MELK: variants seen among roughly 807,000 people sequenced by gnomAD.
The protein encoded by MELK is pEg3 kinase.
In MELK, 81 loss-of-function variants were observed where a neutral mutation model predicts 85.0. That is an observed-to-expected ratio of 0.95 (90% CI 0.80 to 1.15). The LOEUF (loss-of-function observed/expected upper bound fraction) is 1.15, where lower values mean the gene tolerates loss of function less well. MELK is among the 50% of genes most tolerant of loss of function. MELK has a pLI of 0.00. For missense variants in MELK, 754 were observed against 777.5 expected (o/e 0.97, Z 0.36); for synonymous variants, 252 against 265.0 (o/e 0.95, Z 0.48).
rs1364726683 is a variant in MELK at position 36,671,152 on chromosome 9, C to T, written c.1660C>T (p.Pro554Ser). 6.3e-7 allele frequency: 1 copy of T among 1,598,910 alleles called. No individual in the cohort carries two copies. The highest frequency in any genetic ancestry group is 8.5e-7 in the Non-Finnish European group (1 of 1,173,048). ...AAGGAAGGGTTCTGCCAGAGACGGGCCCAGAAGACTAAAGGTAAGCAGGCT... is the reference window on the plus strand; with the variant it reads ...AAGGAAGGGTTCTGCCAGAGACGGGTCCAGAAGACTAAAGGTAAGCAGGCT... ...SKRKGSARDG[P>S]RRLKLHYNVT... is the part of the protein sequence containing the mutation. The change falls in exon 16 of 18, where the codon CCC becomes TCC. Residue 554 changes from proline to serine, a missense_variant. Coordinates refer to ENST00000298048, the MANE Select transcript of MELK (RefSeq NM_014791.4).
chr9:36,604,721 G>C (rs979893856), intron 7 of MELK, among the ~76,000 whole-genome samples: 31 of 151,060 alleles, frequency 2.1e-4, no homozygotes, highest in Non-Finnish European at 3.7e-4. Context: ...TTGGCTCACT[G>C]CAACCTCCAC....
intron 10 of MELK, among the ~76,000 whole-genome samples, chr9:36,633,815 GTCTGTT>G (rs1354797640): frequency 2.6e-5 from 4 of 152,168 alleles, no homozygotes; most frequent in African/African-American, 9.7e-5. Context: ...TCTGTGTTCA[GTCTGTT>G]TTGATAGGTT....
chr9:36,585,386 G>A (rs534217781), intron 3 of MELK, among the ~76,000 whole-genome samples: 4 of 142,950 alleles, frequency 2.8e-5, no homozygotes, highest in Admixed American at 1.5e-4. Flanking sequence ...GGCTCACTGC[G>A]ACCTCTGCCT....
At chr9:36,636,437 G>A (rs1191258841) in intron 10 of MELK, among the ~76,000 whole-genome samples, 5 of 152,116 alleles carry the variant, frequency 3.3e-5, no homozygotes, top group South Asian at 2.1e-4. Context: ...GGGAGGCGGA[G>A]GTTGCAGTGA....
intron 2 of MELK, among the ~76,000 whole-genome samples, chr9:36,583,294 G>T (rs1422739233): frequency 6.6e-6 from 1 of 152,038 alleles, no homozygotes; most frequent in Non-Finnish European, 1.5e-5. Context: ...AAACTGAGTG[G>T]AAGTTTCATA....
chr9:36,651,410 A>G (rs1830685262), intron 11 of MELK, among the ~76,000 whole-genome samples: 1 of 152,252 alleles, frequency 6.6e-6, no homozygotes, highest in Non-Finnish European at 1.5e-5. Context: ...AGGGAGTTGC[A>G]GTAGAGTTAA....
intron 12 of MELK, among the ~76,000 whole-genome samples, chr9:36,655,184 C>CAT (rs970097634): frequency 6.6e-5 from 10 of 152,092 alleles, no homozygotes; most frequent in Non-Finnish European, 1.5e-5. Flanking sequence ...AGAGTCAAGA[C>CAT]ATATATATAC....
At chr9:36,608,537 T>C (rs1825783642) in intron 8 of MELK, among the ~76,000 whole-genome samples, 1 of 151,972 alleles carries the variant, frequency 6.6e-6, no homozygotes, top group Non-Finnish European at 1.5e-5. Context: ...ACTACAGCAT[T>C]CAGTTTTTGA....
At chr9:36,658,800 C>G (rs1831505347) in intron 13 of MELK, among the ~76,000 whole-genome samples, 1 of 151,950 alleles carries the variant, frequency 6.6e-6, no homozygotes, top group African/African-American at 2.4e-5. Flanking sequence ...CTCCCGGGTT[C>G]AAGCAATTCT....
At chr9:36,615,647 C>T (rs1452709710) in intron 8 of MELK, among the ~76,000 whole-genome samples, 6 of 133,662 alleles carry the variant, frequency 4.5e-5, no homozygotes, top group African/African-American at 9.8e-5. Flanking sequence ...ACGGGGCGGC[C>T]GGGCAGAGAC....
Position 36,611,718 on chromosome 9 carries a change from G to A in MELK, c.666+4045G>A, listed in dbSNP as rs11789564. The stretch of plus-strand genomic sequence containing the variant: ...GTGAAGATTAAATGAGTTAATCCAT[G>A]AAAAGCATTTAGAGTGGTGCTCAAT... On this transcript the variant is annotated intron_variant, in intron 8 of 17. Transcript: ENST00000298048. 1.8e-3 allele frequency among the ~76,000 whole-genome samples: 274 copies of A among 151,600 alleles called. 1 individual carries two copies. Among genetic ancestry groups the A allele is most frequent in the Admixed American group, 3.0e-3 (46 of 15,204 alleles).
At chr9:36,665,281 C>A in intron 13 of MELK, 69 bp from the exon 14 acceptor site, 2 of 916,294 alleles carry the variant, frequency 2.2e-6, no homozygotes, top group East Asian at 2.4e-5. Context: ...TGCAAATGAT[C>A]AAGGAATGTT....
At position 36,648,132 on chromosome 9, in the gene MELK, G is replaced by C. The variant is rs1830389725; in HGVS notation, c.922-3614G>C. ...AAACTTTCATTAAACATAGTGGATT[G>C]AACAGCTAAGTTTACGTCGAACACT... On this transcript the variant is annotated intron_variant, in intron 11 of 17. Transcript: ENST00000298048. 3.3e-5 allele frequency among the ~76,000 whole-genome samples: 5 copies of C among 152,080 alleles called. No individual in the cohort carries two copies. In the South Asian group the frequency reaches 1.0e-3, roughly 32 times the overall value.
chr9:36,639,428 T>A (rs1269377512), intron 10 of MELK, among the ~76,000 whole-genome samples: 1 of 152,250 alleles, frequency 6.6e-6, no homozygotes, highest in Admixed American at 6.5e-5. Context: ...GTCTGTTCTG[T>A]AACTCTACGC....
intron 11 of MELK, among the ~76,000 whole-genome samples, chr9:36,643,709 C>T (rs1268822807): frequency 4.0e-5 from 6 of 151,890 alleles, no homozygotes; most frequent in East Asian, 1.9e-4. Flanking sequence ...CTGAGGTGGG[C>T]GGATCACGAG....
Position 36,665,439 on chromosome 9 carries a change from C to G in MELK, c.1266C>G (p.Asn422Lys). Residue 422 changes from asparagine to lysine, a missense_variant, in exon 14 of 18, where the codon AAC becomes AAG. By Grantham distance (94) the Asn-to-Lys change is moderately conservative. Transcript: ENST00000298048. The part of the protein sequence containing the change: ...LCRTPANKLK[N>K]KENVYTPKSA... ...GAACACCTGCAAATAAATTAAAGAA[C>G]AAAGAAAATGTATATACTCCTAAGT... 3 of 1,613,022 alleles carry G rather than the reference C, an allele frequency of 1.9e-6. No individual in the cohort carries two copies. The highest frequency in any genetic ancestry group is 2.5e-6 in the Non-Finnish European group (3 of 1,179,378).
intron 1 of MELK, among the ~76,000 whole-genome samples, chr9:36,574,639 G>C (rs1821456003): frequency 1.3e-5 from 2 of 151,900 alleles, no homozygotes; most frequent in Admixed American, 1.3e-4. Flanking sequence ...AAACCATTCT[G>C]TATTCTACTT....
intron 11 of MELK, among the ~76,000 whole-genome samples, chr9:36,643,659 G>A (rs1026593464): frequency 2.6e-5 from 4 of 152,212 alleles, no homozygotes; most frequent in Middle Eastern, 3.4e-3. Context: ...AACTGGCCGG[G>A]CACGGTGGCT....
At chr9:36,636,748 C>CT (rs1829194073) in intron 10 of MELK, among the ~76,000 whole-genome samples, 3 of 95,230 alleles carry the variant, frequency 3.2e-5, no homozygotes, top group Non-Finnish European at 6.2e-5. Flanking sequence ...TTCTTTCTTT[C>CT]TTTCTTTCTT....
Sources: allele counts gnomAD v4.1 joint callset (sites outside exome capture counted in the v4.1 genomes callset), GRCh38; gene constraint gnomAD v4.1.1; transcripts MANE v1.5; gene names NCBI Gene and HGNC (gene_info 2026-07-23, HGNC 2026-07-21).